The following HIPK2 variants were observed in gnomAD, a reference collection of about 807,000 sequenced individuals.
HIPK2 encodes homeodomain interacting protein kinase 2.
A neutral mutation model predicts 113.7 loss-of-function variants in HIPK2; 27 were observed. The ratio of observed to expected loss-of-function variants is 0.24; its 90% CI spans 0.17 to 0.33. HIPK2 has a LOEUF of 0.33. Ranked by LOEUF, HIPK2 falls within the 10% of genes least tolerant of loss-of-function variation. HIPK2 has a pLI of 1.00. For synonymous variants in HIPK2, 631 were observed against 642.2 expected, an observed-to-expected ratio of 0.98 and a Z score of 0.26; for missense variants, 1,257 against 1,588.0, an observed-to-expected ratio of 0.79 and a Z score of 3.54.
chr7:139,663,234 C>T (rs1201498729), intron 2 of HIPK2, among the ~76,000 whole-genome samples: 1 of 152,346 alleles, frequency 6.6e-6, no homozygotes, highest in South Asian at 2.1e-4. Context: ...CCTTCACCTT[C>T]TTTATACGAC....
rs1800414827 is a variant in HIPK2, at chr7:139,626,041, T to C, written c.1619+560A>G. ...TGCTCTCCTCTTCCCTCCTTTTCAG[T>C]GTGAAGCCAACTGCAGGCCAGGGAC... On this transcript the variant is annotated intron_variant, in intron 6 of 14. Transcript: ENST00000406875. Among the ~76,000 whole-genome samples, 4 of 152,038 alleles carry C rather than the reference T, an allele frequency of 2.6e-5. No homozygotes were observed. The South Asian group carries it at 8.3e-4, about 32-fold the overall frequency.
chr7:139,573,390 T>G lies in HIPK2; in HGVS notation c.3134A>C (p.Gln1045Pro), dbSNP rs1244366051. The change falls in exon 15 of 15, where the codon CAG becomes CCG. Residue 1045 changes from glutamine to proline, a missense_variant. By Grantham distance (76) the Gln-to-Pro change is moderately conservative. Transcript: ENST00000406875. ...QQPLNLSQAQQHITTDRTGSH... is the reference protein window; with the variant it reads ...QQPLNLSQAQPHITTDRTGSH... ...CCCAGTGCGGTCCGTGGTGATGTGC[T>G]GCTGAGCCTGGGGAGGAGAGGCACC... 3 of 1,602,648 alleles carry G rather than the reference T, an allele frequency of 1.9e-6. No homozygotes were observed. The highest frequency in any genetic ancestry group is 2.5e-6 in the Non-Finnish European group (3 of 1,179,742).
intron 1 of HIPK2, among the ~76,000 whole-genome samples, chr7:139,737,417 T>C (rs1795969012): frequency 1.3e-5 from 2 of 152,190 alleles, no homozygotes. Context: ...CCATACCTAC[T>C]CATGCCATGA....
At chr7:139,745,717 C>G (rs949138047) in intron 1 of HIPK2, among the ~76,000 whole-genome samples, 4 of 152,250 alleles carry the variant, frequency 2.6e-5, no homozygotes, top group East Asian at 3.9e-4. Context: ...CCACACCCCC[C>G]TCACCCCCCA....
At chr7:139,713,985 G>A (rs1226083153) in intron 2 of HIPK2, among the ~76,000 whole-genome samples, 1 of 152,218 alleles carries the variant, frequency 6.6e-6, no homozygotes, top group Non-Finnish European at 1.5e-5. Flanking sequence ...GAGGCTTCTT[G>A]TCTTCCTTGG....
At chr7:139,772,765 T>TG (rs1208627720) in intron 1 of HIPK2, among the ~76,000 whole-genome samples, 116 of 151,626 alleles carry the variant, frequency 7.7e-4, no homozygotes, top group African/African-American at 2.7e-3. Flanking sequence ...TTTTTTTTTT[T>TG]TTGTATTTTT....
At chr7:139,708,334 G>A (rs918708780) in intron 2 of HIPK2, among the ~76,000 whole-genome samples, 1 of 152,184 alleles carries the variant, frequency 6.6e-6, no homozygotes. Flanking sequence ...TATTAAGTAT[G>A]TACAGCTTTC....
At position 139,712,718 on chromosome 7, in the gene HIPK2, T is replaced by C. The variant is rs777563460; in HGVS notation, c.1103+3214A>G. 6.4e-4 allele frequency among the ~76,000 whole-genome samples: 97 copies of C among 152,178 alleles called. 1 individual carries two copies. Among genetic ancestry groups the C allele is most frequent in the Non-Finnish European group, 1.5e-4 (10 of 68,034 alleles). On this transcript the variant is annotated intron_variant, in intron 2 of 14. Transcript: ENST00000406875. ...CTTTTCTTGCCCCCTTTCTTTCCTA[T>C]AAGAGGCAAAGCCACCAGGAAAATC...
rs1362866431 is a variant in HIPK2 at position 139,716,120 on chromosome 7, G to A, written c.915C>T (p.Leu305=). 6.2e-7 allele frequency: 1 copy of A among 1,614,096 alleles called. No individual in the cohort carries two copies. The highest frequency in any genetic ancestry group is 1.3e-5 in the African/African-American group (1 of 75,054). The change falls in exon 2 of 15, where the codon CTC becomes CTT. Residue 305 remains leucine, a synonymous_variant. Transcript: ENST00000406875. The surrounding 1 kb of genome is among the most constrained non-coding windows in gnomAD (Gnocchi z 9.3). Reference sequence around the variant, plus strand: ...TCATCAGGGCTGTGGCTACCTGCTGGAGAACTGGGCGAATGTATTTGAGGG... The same window carrying A: ...TCATCAGGGCTGTGGCTACCTGCTGAAGAACTGGGCGAATGTATTTGAGGG... ...PLPLKYIRPV[L]QQVATALMKL... is the part of the protein sequence containing the mutation.
At chr7:139,622,300 C>T (rs768286919) in intron 6 of HIPK2, among the ~76,000 whole-genome samples, 4 of 152,174 alleles carry the variant, frequency 2.6e-5, no homozygotes, top group South Asian at 2.1e-4. Context: ...ACATATTCTG[C>T]GGTATCCAGT....
intron 6 of HIPK2, among the ~76,000 whole-genome samples, chr7:139,622,699 T>C (rs867880132): frequency 6.6e-6 from 1 of 152,190 alleles, no homozygotes; most frequent in Non-Finnish European, 1.5e-5. Flanking sequence ...TGGAGATTTA[T>C]CCTTGCCCTG....
At chr7:139,642,486 G>A (rs1354000743) in intron 2 of HIPK2, among the ~76,000 whole-genome samples, 3 of 152,202 alleles carry the variant, frequency 2.0e-5, no homozygotes, top group African/African-American at 7.2e-5. Flanking sequence ...GAGACAACAC[G>A]CCCTGTGACC....
intron 10 of HIPK2, among the ~76,000 whole-genome samples, chr7:139,603,746 G>A (rs997630643): frequency 2.0e-5 from 3 of 152,144 alleles, no homozygotes; most frequent in Non-Finnish European, 4.4e-5. Flanking sequence ...TTTGTTTTCT[G>A]AACGTAGAAT....
At chr7:139,583,390 C>T (rs1220343033) in intron 13 of HIPK2, 1 of 168,068 alleles carries the variant, frequency 5.9e-6, no homozygotes, top group African/African-American at 2.4e-5. Context: ...CAATTTCACC[C>T]TTCCCTAGCA....
At chr7:139,712,154 C>T (rs1355675171) in intron 2 of HIPK2, among the ~76,000 whole-genome samples, 1 of 152,238 alleles carries the variant, frequency 6.6e-6, no homozygotes, top group Non-Finnish European at 1.5e-5. Flanking sequence ...AATACCCCTG[C>T]TTCAGACTCG....
chr7:139,718,194 A>G (rs1795305090), intron 1 of HIPK2, among the ~76,000 whole-genome samples: 1 of 152,268 alleles, frequency 6.6e-6, no homozygotes, highest in Non-Finnish European at 1.5e-5. Context: ...TAATAAGGTG[A>G]TGAAGGATAA....
At chr7:139,623,053 C>T (rs1800292258) in intron 6 of HIPK2, among the ~76,000 whole-genome samples, 1 of 152,222 alleles carries the variant, frequency 6.6e-6, no homozygotes. Context: ...CACCCCTATC[C>T]TCAGTCTCCT....
chr7:139,618,368 G>A (rs1387405162), intron 7 of HIPK2, among the ~76,000 whole-genome samples: 2 of 152,066 alleles, frequency 1.3e-5, no homozygotes, highest in Non-Finnish European at 2.9e-5. Flanking sequence ...GTAGGGAGTA[G>A]TAGAATCCAA....
intron 1 of HIPK2, among the ~76,000 whole-genome samples, chr7:139,725,679 A>G (rs1017884725): frequency 1.3e-5 from 2 of 152,216 alleles, no homozygotes; most frequent in African/African-American, 2.4e-5. Flanking sequence ...ACTGGCTGCC[A>G]TCTAACACAT....
Sources: gnomAD v4.1 joint callset for allele counts (sites outside exome capture counted in the v4.1 genomes callset) on GRCh38, gnomAD v4.1.1 for gene constraint, Gnocchi (gnomAD v3.1) non-coding constraint, MANE v1.5 for transcripts, NCBI Gene and HGNC (gene_info 2026-07-23, HGNC 2026-07-21) for gene names.